PCDH15: variants seen among roughly 807,000 people sequenced by gnomAD.
The protein encoded by PCDH15 is protocadherin-15.
PCDH15 carries 129 observed loss-of-function variants against 178.5 expected under a neutral mutation model. The observed-to-expected ratio is 0.72, with a 90% CI of 0.63 to 0.84. The LOEUF is 0.84. PCDH15 is among the 40% of genes least tolerant of loss of function. The probability of loss-of-function intolerance (pLI) is 0.00; values close to 1 mark genes in which losing one functional copy is unlikely to be tolerated. For synonymous variants in PCDH15, 800 were observed against 732.0 expected, an observed-to-expected ratio of 1.09 and a Z score of -1.50; for missense variants, 2,230 against 2,099.9, an observed-to-expected ratio of 1.06 and a Z score of -1.21.
intron 2 of PCDH15, among the ~76,000 whole-genome samples, chr10:55,378,661 C>T (rs1361345948): frequency 3.3e-5 from 5 of 152,020 alleles, no homozygotes; most frequent in African/African-American, 1.2e-4. Flanking sequence ...CTCCATTCCT[C>T]AATTCAACAG....
At chr10:55,273,079 C>T (rs1253494615) in intron 1 of PCDH15, among the ~76,000 whole-genome samples, 1 of 151,962 alleles carries the variant, frequency 6.6e-6, no homozygotes, top group East Asian at 1.9e-4. Flanking sequence ...ATACTGATTT[C>T]AAAGTTGAAT....
intron 2 of PCDH15, among the ~76,000 whole-genome samples, chr10:55,370,235 G>A (rs552529290): frequency 2.6e-5 from 4 of 152,064 alleles, no homozygotes; most frequent in African/African-American, 4.8e-5. Context: ...AACCATTTAC[G>A]GGTAAATGTG....
At chr10:55,132,140 G>A (rs187120926) in intron 2 of PCDH15, among the ~76,000 whole-genome samples, 1 of 152,258 alleles carries the variant, frequency 6.6e-6, no homozygotes, top group Non-Finnish European at 1.5e-5. Context: ...TGCCTCCCCT[G>A]ATGCAGCCTG....
chr10:55,420,111 C>T (rs1190000850), intron 2 of PCDH15, among the ~76,000 whole-genome samples: 4 of 151,702 alleles, frequency 2.6e-5, no homozygotes, highest in African/African-American at 9.7e-5. Context: ...TTATACTCCT[C>T]ATAAGACAAA....
intron 5 of PCDH15, among the ~76,000 whole-genome samples, chr10:54,351,898 C>G (rs2583030): frequency 0.24 from 37,246 of 152,106 alleles, 5,100 homozygotes; most frequent in African/African-American, 0.38. Flanking sequence ...GGACCCAATA[C>G]AGCAAGCACA....
In PCDH15 at chr10:53,827,499, C is replaced by T; in HGVS notation, c.4261G>A (p.Ala1421Thr). 2 of 1,614,060 alleles carry T rather than the reference C, an allele frequency of 1.2e-6. No individual in the cohort carries two copies. The highest frequency in any genetic ancestry group is 8.5e-7 in the Non-Finnish European group (1 of 1,179,942). The change falls in exon 32 of 38, where the codon GCG becomes ACG. Residue 1421 changes from alanine to threonine, a missense_variant. Coordinates refer to ENST00000644397, the MANE Select transcript of PCDH15 (RefSeq NM_001384140.1). ...GGAGCCGGCACTGCTGGTTTAGCCG[C>T]GGGTAATGCGGCCTGAATTCGTGCA... ...KTARIQAALP[A>T]AKPAVPAPAP...
intron 8 of PCDH15, among the ~76,000 whole-genome samples, chr10:54,262,099 C>G (rs374134750): frequency 6.6e-6 from 1 of 152,054 alleles, no homozygotes. Flanking sequence ...GGAGTTTCTA[C>G]GACCCCCATA....
intron 6 of PCDH15, among the ~76,000 whole-genome samples, chr10:54,338,307 A>AGT (rs1259146373): frequency 2.0e-5 from 3 of 152,214 alleles, no homozygotes; most frequent in African/African-American, 7.2e-5. Flanking sequence ...GTACCCTGAA[A>AGT]AGTATTATTA....
chr10:54,996,291 G>C (rs1201029879), intron 2 of PCDH15, among the ~76,000 whole-genome samples: 2 of 152,140 alleles, frequency 1.3e-5, no homozygotes, highest in Admixed American at 1.3e-4. Context: ...ATCTGAGTTT[G>C]GATGGCTGAG....
At chr10:55,116,351 A>T (rs1239396497) in intron 2 of PCDH15, among the ~76,000 whole-genome samples, 1 of 152,166 alleles carries the variant, frequency 6.6e-6, no homozygotes, top group African/African-American at 2.4e-5. Context: ...CTATACATAA[A>T]TGTCATTTTG....
intron 1 of PCDH15, among the ~76,000 whole-genome samples, chr10:54,786,834 G>A (rs1005934910): frequency 6.6e-6 from 1 of 151,636 alleles, no homozygotes; most frequent in Non-Finnish European, 1.5e-5. Flanking sequence ...ATAATAATGA[G>A]AATAAAATCA....
At chr10:54,774,808 G>T (rs1949513275) in intron 1 of PCDH15, among the ~76,000 whole-genome samples, 1 of 151,910 alleles carries the variant, frequency 6.6e-6, no homozygotes, top group Non-Finnish European at 1.5e-5. Context: ...ATTATTAGGG[G>T]CTTACTACTT....
intron 2 of PCDH15, among the ~76,000 whole-genome samples, chr10:54,592,101 G>A (rs2091924274): frequency 6.6e-6 from 1 of 152,082 alleles, no homozygotes; most frequent in Non-Finnish European, 1.5e-5. Context: ...TAAATATAGA[G>A]CATACAAAAC....
At chr10:55,457,081 T>C (rs116784695) in intron 2 of PCDH15, among the ~76,000 whole-genome samples, 15,159 of 151,984 alleles carry the variant, frequency 0.1, 972 homozygotes, top group African/African-American at 0.18. Context: ...AATGTGAAAG[T>C]ACGAAGTCCT....
intron 2 of PCDH15, among the ~76,000 whole-genome samples, chr10:55,355,298 A>G (rs189450384): frequency 6.6e-6 from 1 of 152,126 alleles, no homozygotes; most frequent in African/African-American, 2.4e-5. Context: ...TCGGTCACAT[A>G]GAAAGAGTAC....
intron 9 of PCDH15, among the ~76,000 whole-genome samples, chr10:54,216,325 G>A (rs942651823): frequency 4.6e-5 from 7 of 151,746 alleles, no homozygotes; most frequent in African/African-American, 9.7e-5. Flanking sequence ...GCGTGATGGC[G>A]CACGCCTGTA....
Position 54,203,829 on chromosome 10 carries a change from C to T in PCDH15, c.1099-7940G>A, listed in dbSNP as rs552076313. Among the ~76,000 whole-genome samples the T allele has an allele frequency of 3.3e-5, 5 of 152,140 alleles. No homozygotes were observed. The South Asian group carries it at 6.2e-4, about 19-fold the overall frequency. On this transcript the variant is annotated intron_variant, in intron 10 of 37. Coordinates refer to ENST00000644397, the MANE Select transcript of PCDH15 (RefSeq NM_001384140.1). ...GATTCTGAAAAACGGGCAAATTGAC[C>T]GAACTACCAATGATTCACGCATATC...
At chr10:55,315,649 G>T (rs1843705974) in intron 1 of PCDH15, among the ~76,000 whole-genome samples, 1 of 152,056 alleles carries the variant, frequency 6.6e-6, no homozygotes, top group Non-Finnish European at 1.5e-5. Context: ...ATTGATTTAT[G>T]CAGGGGAAAA....
At chr10:55,587,576 A>G (rs1842749993) in intron 2 of PCDH15, among the ~76,000 whole-genome samples, 3 of 152,138 alleles carry the variant, frequency 2.0e-5, no homozygotes, top group Admixed American at 2.0e-4. Flanking sequence ...GGTCATTCAA[A>G]ACCAATACAT....
Sources: gnomAD v4.1 joint callset for allele counts (sites outside exome capture counted in the v4.1 genomes callset) on GRCh38, gnomAD v4.1.1 for gene constraint, MANE v1.5 for transcripts, NCBI Gene and HGNC (gene_info 2026-07-23, HGNC 2026-07-21) for gene names.